SLC41A3: variants seen among roughly 807,000 people sequenced by gnomAD.
SLC41A3 encodes SLC41A1-like 2.
A neutral mutation model predicts 45.4 loss-of-function variants in SLC41A3; 44 were observed. That is an observed-to-expected ratio of 0.97 (90% CI 0.76 to 1.25). SLC41A3 has a LOEUF of 1.25. SLC41A3 is among the 50% of genes most tolerant of loss of function. The probability of loss-of-function intolerance (pLI) is 0.00; values close to 1 mark genes in which losing one functional copy is unlikely to be tolerated. For missense variants in SLC41A3, 550 were observed against 600.6 expected, an observed-to-expected ratio of 0.92 and a Z score of 0.88; for synonymous variants, 256 against 252.4, an observed-to-expected ratio of 1.01 and a Z score of -0.13.
intron 1 of SLC41A3, among the ~76,000 whole-genome samples, chr3:126,072,307 A>G (rs1490606010): frequency 6.6e-6 from 1 of 151,974 alleles, no homozygotes; most frequent in Admixed American, 6.6e-5. Flanking sequence ...AAACCCAAAA[A>G]AGTAGAAGGC....
At position 126,068,262 on chromosome 3, in the gene SLC41A3, C is replaced by T. The variant is rs2108020114; in HGVS notation, c.-27-16G>A. 2.7e-6 allele frequency: 4 copies of T among 1,480,472 alleles called. No individual in the cohort carries two copies. In the South Asian group the frequency reaches 4.4e-5, roughly 16 times the overall value. The allele number at this position is 1,480,472 out of a possible 1,614,324, so 91.7% of individuals were successfully genotyped here. A position where few individuals can be genotyped will look rare whatever the true frequency, so the allele number is the denominator to read the frequency against. ...CCTGGCAGCCCTACAGTGGGAGACA[C>T]AAAGTTGTAGGGCCAAGTTCCTGAT... is the stretch of plus-strand genomic sequence containing the variant. On this transcript the variant is annotated splice_polypyrimidine_tract_variant and intron_variant, in intron 1 of 10. Transcript: ENST00000360370.
intron 6 of SLC41A3, among the ~76,000 whole-genome samples, chr3:126,019,313 C>A (rs1178613343): frequency 6.6e-6 from 1 of 152,182 alleles, no homozygotes; most frequent in African/African-American, 2.4e-5. Context: ...GAGGGCAGAG[C>A]CCTTATGACC....
At chr3:126,059,086 C>G (rs946026265) in intron 2 of SLC41A3, among the ~76,000 whole-genome samples, 9 of 151,364 alleles carry the variant, frequency 5.9e-5, no homozygotes, top group Admixed American at 5.9e-4. Flanking sequence ...GAACAGAGCC[C>G]TTCTCACTGC....
chr3:126,013,922 G>A (rs950093662), intron 8 of SLC41A3, among the ~76,000 whole-genome samples: 7 of 152,186 alleles, frequency 4.6e-5, no homozygotes, highest in Admixed American at 4.6e-4. Context: ...ATGAGCACAT[G>A]CGGTCTCTGG....
intron 10 of SLC41A3, 98 bp from the exon 11 acceptor site, chr3:126,007,323 G>C (rs1204622170): frequency 7.4e-7 from 1 of 1,348,994 alleles, no homozygotes; most frequent in Non-Finnish European, 1.0e-6. Flanking sequence ...TACCAAGGTG[G>C]ACAGGTCAAC....
At chr3:126,073,609 A>G (rs1944734341) in intron 1 of SLC41A3, among the ~76,000 whole-genome samples, 1 of 152,208 alleles carries the variant, frequency 6.6e-6, no homozygotes, top group African/African-American at 2.4e-5. Context: ...AGCTAAAAAA[A>G]TTAGAAAACC....
At chr3:126,082,276 C>A (rs59132430) in intron 1 of SLC41A3, among the ~76,000 whole-genome samples, 81 of 152,316 alleles carry the variant, frequency 5.3e-4, no homozygotes, top group African/African-American at 1.9e-3. Context: ...AATCCCAGAG[C>A]CCCAGGGAGG....
chr3:126,037,491 C>T (rs543112276), intron 3 of SLC41A3, among the ~76,000 whole-genome samples: 2 of 152,282 alleles, frequency 1.3e-5, no homozygotes, highest in African/African-American at 4.8e-5. Context: ...ACCCTTGTTA[C>T]ACCTTAGCAT....
intron 2 of SLC41A3, among the ~76,000 whole-genome samples, chr3:126,065,201 C>T (rs1048713686): frequency 1.6e-4 from 25 of 152,216 alleles, no homozygotes; most frequent in African/African-American, 6.0e-4. Flanking sequence ...TCCTGGCCAG[C>T]ACGTGGATTT....
At chr3:126,052,629 G>C (rs1943405683) in intron 2 of SLC41A3, among the ~76,000 whole-genome samples, 1 of 152,082 alleles carries the variant, frequency 6.6e-6, no homozygotes, top group African/African-American at 2.4e-5. Flanking sequence ...CCCATCTGCT[G>C]CTCTCCCTGC....
intron 1 of SLC41A3, among the ~76,000 whole-genome samples, chr3:126,074,548 T>G (rs1447714181): frequency 1.3e-5 from 2 of 152,116 alleles, no homozygotes; most frequent in Admixed American, 6.5e-5. Flanking sequence ...TCATAAGGGA[T>G]CCACATACAC....
At chr3:126,100,227 G>A (rs1348458425) in intron 1 of SLC41A3, among the ~76,000 whole-genome samples, 5 of 151,906 alleles carry the variant, frequency 3.3e-5, no homozygotes, top group African/African-American at 4.8e-5. Context: ...GCCACGTACC[G>A]GGCCCTCCTC....
At chr3:126,050,809 T>C in intron 3 of SLC41A3, 134 bp downstream of exon 3, 2 of 1,387,420 alleles carry the variant, frequency 1.4e-6, no homozygotes, top group South Asian at 1.7e-5. Context: ...GACAGCATGA[T>C]GAGGTATCAA....
At chr3:126,029,570 T>G (rs1941644813) in intron 4 of SLC41A3, among the ~76,000 whole-genome samples, 1 of 152,216 alleles carries the variant, frequency 6.6e-6, no homozygotes, top group South Asian at 2.1e-4. Flanking sequence ...TATTTCTTTA[T>G]AGCAATGCAA....
intron 3 of SLC41A3, among the ~76,000 whole-genome samples, chr3:126,035,044 C>T (rs546484694): frequency 3.3e-5 from 5 of 152,118 alleles, no homozygotes; most frequent in South Asian, 4.1e-4. Context: ...AGAGGTAAAG[C>T]GGTGAGGGCA....
chr3:126,053,038 G>A lies in SLC41A3; in HGVS notation c.274-1988C>T, dbSNP rs1344877264. ...TTGCTATGACTGGTCAGTGAGACCTGAGAAGTCCTGTCTGGTCACATCGGG... is the reference window on the plus strand; with the variant it reads ...TTGCTATGACTGGTCAGTGAGACCTAAGAAGTCCTGTCTGGTCACATCGGG... On this transcript the variant is annotated intron_variant, in intron 2 of 10. Transcript: ENST00000360370. Among the ~76,000 whole-genome samples the A allele has an allele frequency of 6.6e-5, 10 of 152,214 alleles. 1 individual carries two copies. Among genetic ancestry groups the A allele is most frequent in the Admixed American group, 5.2e-4 (8 of 15,288 alleles).
intron 4 of SLC41A3, among the ~76,000 whole-genome samples, chr3:126,029,364 A>AC (rs1305934984): frequency 7.7e-6 from 1 of 129,572 alleles, no homozygotes; most frequent in Non-Finnish European, 1.7e-5. Flanking sequence ...AGTATGTGGC[A>AC]CTCCCTCCCC....
Position 126,068,036 on chromosome 3 carries a change from T to C in SLC41A3, c.184A>G (p.Thr62Ala), listed in dbSNP as rs4234270. Residue 62 changes from threonine (T) to alanine (A), a missense_variant, in exon 2 of 11, where the codon ACC becomes GCC. Coordinates refer to ENST00000360370, the MANE Select transcript of SLC41A3 (RefSeq NM_017836.4). ...GTCACCTGAAGGCCTATGGACCAGG[T>C]GGTCTCCCTGCTAGGCTCAGTCTCC... ...PLETEPSRET[T>A]WSIGLQVTVP... The C allele has an allele frequency of 1, 1,611,659 of 1,613,958 alleles. 804,708 individuals are homozygous for C. Among genetic ancestry groups the C allele is most frequent in the East Asian group, 1 (44,842 of 44,842 alleles).
At chr3:126,008,165 G>A (rs77412892) in intron 10 of SLC41A3, among the ~76,000 whole-genome samples, 99 of 152,372 alleles carry the variant, frequency 6.5e-4, no homozygotes, top group African/African-American at 1.2e-3. Flanking sequence ...AATGTGCTGC[G>A]CGCAGTGTGT....
Sources: allele counts gnomAD v4.1 joint callset (sites outside exome capture counted in the v4.1 genomes callset), GRCh38; gene constraint gnomAD v4.1.1; transcripts MANE v1.5; gene names NCBI Gene and HGNC (gene_info 2026-07-23, HGNC 2026-07-21).